Variants in AP3M1 observed in about 807,000 individuals in gnomAD.
AP3M1 encodes adaptor related protein complex 3 subunit mu 1, also known as AP-3 complex subunit mu-1.
AP3M1 carries 29 observed loss-of-function variants against 42.6 expected under a neutral mutation model. The observed-to-expected ratio is 0.68, with a 90% CI of 0.51 to 0.93. The LOEUF (loss-of-function observed/expected upper bound fraction) is 0.93, where lower values mean the gene tolerates loss of function less well. Ranked by LOEUF, AP3M1 falls within the 40% of genes least tolerant of loss-of-function variation. The pLI is 0.00. For synonymous variants in AP3M1, 178 were observed against 175.3 expected (o/e 1.02, Z -0.12); for missense variants, 416 against 510.2 (o/e 0.82, Z 1.78).
At chr10:74,131,680 T>G (rs949216992) in intron 4 of AP3M1, among the ~76,000 whole-genome samples, 1 of 152,012 alleles carries the variant, frequency 6.6e-6, no homozygotes, top group Non-Finnish European at 1.5e-5. Flanking sequence ...TCTGAATAGG[T>G]AGGATTAAGG....
chr10:74,141,164 A>G (rs937340316), intron 1 of AP3M1, among the ~76,000 whole-genome samples: 5 of 152,176 alleles, frequency 3.3e-5, no homozygotes, highest in African/African-American at 1.2e-4. Context: ...AATAATAAGA[A>G]GGGCCAGGTG....
intron 6 of AP3M1, among the ~76,000 whole-genome samples, chr10:74,128,126 G>GAAAA (rs1564544493): frequency 8.1e-5 from 11 of 135,674 alleles, no homozygotes; most frequent in African/African-American, 2.6e-4. Flanking sequence ...AAAAAAAAAG[G>GAAAA]AAAAGAAAAG....
At position 74,149,267 on chromosome 10, in the gene AP3M1, G is replaced by GTTTTT. The variant is rs57279906; in HGVS notation, c.-4+1483_-4+1487dup. On this transcript the variant is annotated intron_variant, in intron 1 of 8. Coordinates refer to ENST00000355264, the MANE Select transcript of AP3M1 (RefSeq NM_012095.6). ...GAGAGCTTTCCTAAAGATACGTAAGGTTTTTTTTTTTTTTTTTTTTTTTTT... is the reference window on the plus strand; with the variant it reads ...GAGAGCTTTCCTAAAGATACGTAAGGTTTTTTTTTTTTTTTTTTTTTTTTTTTTTT... Among the ~76,000 whole-genome samples, 40 of 60,098 alleles carry GTTTTT rather than the reference G, an allele frequency of 6.7e-4. 12 individuals are homozygous for GTTTTT. The highest frequency in any genetic ancestry group is 1.9e-3 in the African/African-American group (31 of 16,378). 39.4% of individuals were successfully genotyped at this position (60,098 alleles called of 152,430 possible). A position where few individuals can be genotyped will look rare whatever the true frequency, so the allele number is the denominator to read the frequency against.
At chr10:74,143,578 T>C (rs1283143950) in intron 1 of AP3M1, among the ~76,000 whole-genome samples, 3 of 152,222 alleles carry the variant, frequency 2.0e-5, no homozygotes, top group Admixed American at 6.5e-5. Flanking sequence ...CTAAAATGTA[T>C]TGAGTACTTA....
At chr10:74,146,732 T>C (rs979775164) in intron 1 of AP3M1, among the ~76,000 whole-genome samples, 3 of 152,136 alleles carry the variant, frequency 2.0e-5, no homozygotes, top group Non-Finnish European at 2.9e-5. Context: ...TTTTTGTTAA[T>C]GGGAATTAAT....
chr10:74,127,208 G>T (rs573147704), intron 6 of AP3M1, among the ~76,000 whole-genome samples: 1 of 152,102 alleles, frequency 6.6e-6, no homozygotes, highest in Admixed American at 6.6e-5. Context: ...GTCCTCCAAG[G>T]ATACCAAGAT....
At chr10:74,136,522 A>T in intron 3 of AP3M1, 110 bp downstream of exon 3, 1 of 846,960 alleles carries the variant, frequency 1.2e-6, no homozygotes, top group Non-Finnish European at 1.6e-6. Flanking sequence ...CAGTAACTTT[A>T]ATTATGGCCA....
intron 1 of AP3M1, among the ~76,000 whole-genome samples, chr10:74,147,969 C>A (rs1175597014): frequency 1.3e-5 from 2 of 151,732 alleles, no homozygotes; most frequent in Admixed American, 1.3e-4. Context: ...TGCACTCCAG[C>A]CTGGGCGACA....
intron 1 of AP3M1, among the ~76,000 whole-genome samples, chr10:74,149,570 G>A (rs1389885403): frequency 6.6e-6 from 1 of 152,112 alleles, no homozygotes; most frequent in Non-Finnish European, 1.5e-5. Context: ...TTACAGGCGT[G>A]AGCCACCGCG....
chr10:74,136,938 G>T, intron 2 of AP3M1, 135 bp from the exon 3 acceptor site: 1 of 556,346 alleles, frequency 1.8e-6, no homozygotes, highest in East Asian at 3.5e-5. Context: ...AAAACAGAGC[G>T]GGGGAAAAAA....
intron 6 of AP3M1, 77 bp from the exon 7 acceptor site, chr10:74,126,432 A>G: frequency 4.2e-6 from 5 of 1,183,996 alleles, no homozygotes; most frequent in Non-Finnish European, 4.9e-6. Flanking sequence ...AGGTATCCTG[A>G]AAACCTCTGT....
Position 74,136,658 on chromosome 10 carries a change from A to G in AP3M1, c.419T>C (p.Leu140Pro), listed in dbSNP as rs1840956339. 1 of 1,588,086 alleles carries G rather than the reference A, an allele frequency of 6.3e-7. No individual in the cohort carries two copies. The highest frequency in any genetic ancestry group is 1.7e-5 in the Admixed American group (1 of 59,406). Reference protein sequence around the residue: ...LKELIKPPTILRSVVNSITGS... With the variant: ...LKELIKPPTIPRSVVNSITGS... ...TGTAATAGAGTTGACAACAGAGCGT[A>G]GAATTGTTGGTGGTTTAATCAATTC... The change falls in exon 3 of 9, where the codon CTA becomes CCA. Residue 140 changes from leucine to proline, a missense_variant. Transcript: ENST00000355264.
chr10:74,128,126 G>GAAAAA (rs1564544493), intron 6 of AP3M1, among the ~76,000 whole-genome samples: 9 of 135,676 alleles, frequency 6.6e-5, no homozygotes, highest in South Asian at 2.2e-4. Flanking sequence ...AAAAAAAAAG[G>GAAAAA]AAAAGAAAAG....
chr10:74,142,741 TG>T (rs1841195808), intron 1 of AP3M1, among the ~76,000 whole-genome samples: 1 of 152,214 alleles, frequency 6.6e-6, no homozygotes, highest in African/African-American at 2.4e-5. Context: ...TATTTCTGTC[TG>T]GGTATTAATA....
At chr10:74,129,807 C>A in intron 5 of AP3M1, 100 bp downstream of exon 5, 1 of 828,494 alleles carries the variant, frequency 1.2e-6, no homozygotes, top group Non-Finnish European at 2.0e-6. Flanking sequence ...TAATCCTTTG[C>A]AATCTAAGAT....
Position 74,123,844 on chromosome 10 carries a change from A to G in AP3M1, c.1223T>C (p.Val408Ala). Residue 408 changes from valine (V) to alanine (A), a missense_variant, in exon 9 of 9, where the codon GTC becomes GCC. Transcript: ENST00000355264. Reference protein sequence around the residue: ...KYKPFKGVKYVTKAGKFQVRT With the variant: ...KYKPFKGVKYATKAGKFQVRT Reference sequence around the variant, plus strand: ...CACTTGGAACTTTCCAGCTTTCGTGACGTATTTGACTCCTTTAAATGGCTT... The same window carrying G: ...CACTTGGAACTTTCCAGCTTTCGTGGCGTATTTGACTCCTTTAAATGGCTT... The G allele has an allele frequency of 6.2e-7, 1 of 1,614,136 alleles. No homozygotes were observed. Among genetic ancestry groups the G allele is most frequent in the Non-Finnish European group, 8.5e-7 (1 of 1,180,020 alleles).
chr10:74,131,148 C>CA (rs1464892775), intron 4 of AP3M1, among the ~76,000 whole-genome samples: 16 of 151,930 alleles, frequency 1.1e-4, no homozygotes, highest in Admixed American at 1.0e-3. Flanking sequence ...AAACCATTTT[C>CA]AATAGAATTT....
rs751432900 is a variant in AP3M1, at chr10:74,123,895, C to T, written c.1172G>A (p.Arg391His). The stretch of plus-strand genomic sequence containing the variant: ...ATATTTCTCCCCATACATGTCCAAA[C>T]GGTTTACTTTTAAGCCTGTATCAAA... ...QLAISGLKVNRLDMYGEKYKP... is the reference protein window; with the variant it reads ...QLAISGLKVNHLDMYGEKYKP... The change falls in exon 9 of 9, where the codon CGT becomes CAT. Residue 391 changes from arginine to histidine, a missense_variant. Transcript: ENST00000355264. 73 of 1,613,460 alleles carry T rather than the reference C, an allele frequency of 4.5e-5. No homozygotes were observed. Among genetic ancestry groups the T allele is most frequent in the East Asian group, 1.1e-4 (5 of 44,876 alleles).
At chr10:74,136,874 T>TTCA in intron 2 of AP3M1, 71 bp from the exon 3 acceptor site, 1 of 1,092,612 alleles carries the variant, frequency 9.2e-7, no homozygotes, top group Non-Finnish European at 1.3e-6. Flanking sequence ...CTTTTTGTTC[T>TTCA]GAAGAATAAA....
Sources: allele counts gnomAD v4.1 joint callset (sites outside exome capture counted in the v4.1 genomes callset), GRCh38; gene constraint gnomAD v4.1.1; transcripts MANE v1.5; gene names NCBI Gene and HGNC (gene_info 2026-07-23, HGNC 2026-07-21).